ATP11B: variants seen among roughly 807,000 people sequenced by gnomAD.
The protein encoded by ATP11B is phospholipid-transporting ATPase IF.
Under a neutral mutation model 157.8 loss-of-function variants are expected in ATP11B, and 81 were observed. The ratio of observed to expected loss-of-function variants is 0.51; its 90% CI spans 0.43 to 0.62. The LOEUF (loss-of-function observed/expected upper bound fraction) is 0.62. Ranked by LOEUF, ATP11B falls within the 20% of genes least tolerant of loss-of-function variation. ATP11B has a pLI of 0.00. For synonymous variants in ATP11B, 451 were observed against 469.4 expected (o/e 0.96, Z 0.51); for missense variants, 1,165 against 1,402.2 (o/e 0.83, Z 2.70).
In ATP11B at chr3:182,919,834, A is replaced by G. The variant is rs1163255917; in HGVS notation, c.*1730A>G. On this transcript the variant is annotated 3_prime_UTR_variant, in exon 30 of 30. Coordinates refer to ENST00000323116, the MANE Select transcript of ATP11B (RefSeq NM_014616.3). ...TTAAGCTAAATATTAATTTTCAAAA[A>G]TAGTCCTTCTTTAACTTAGATATTT... 5 of 152,250 alleles carry G rather than the reference A, an allele frequency of 3.3e-5. No individual in the cohort carries two copies. The highest frequency in any genetic ancestry group is 7.2e-5 in the African/African-American group (3 of 41,472). The allele number at this position is 152,250 out of a possible 1,614,324, so 9.4% of individuals were successfully genotyped here. A position where few individuals can be genotyped will look rare whatever the true frequency, so the allele number is the denominator to read the frequency against.
At chr3:182,873,630 A>G (rs767580219) in intron 18 of ATP11B, among the ~76,000 whole-genome samples, 182 bp from the exon 19 acceptor site, 3 of 152,234 alleles carry the variant, frequency 2.0e-5, no homozygotes, top group East Asian at 3.9e-4. Flanking sequence ...ACAATTACCA[A>G]TCTGTTTATT....
At chr3:182,888,555 C>A (rs1007703376) in intron 24 of ATP11B, among the ~76,000 whole-genome samples, 4 of 152,104 alleles carry the variant, frequency 2.6e-5, no homozygotes, top group African/African-American at 9.7e-5. Context: ...GGATCTTGCT[C>A]TGTCACCCAG....
chr3:182,867,350 C>A, intron 14 of ATP11B, 26 bp from the exon 15 acceptor site: 1 of 1,434,204 alleles, frequency 7.0e-7, no homozygotes, highest in South Asian at 1.2e-5. Context: ...TCTTAAGTCT[C>A]ACTTTTTTAT....
chr3:182,845,101 T>G (rs898855311), intron 8 of ATP11B, among the ~76,000 whole-genome samples: 3 of 151,270 alleles, frequency 2.0e-5, no homozygotes, highest in Admixed American at 1.3e-4. Context: ...GCCTCCACGG[T>G]TCAAAAAATT....
intron 27 of ATP11B, among the ~76,000 whole-genome samples, chr3:182,898,152 C>T (rs978157092): frequency 6.6e-6 from 1 of 151,908 alleles, no homozygotes; most frequent in African/African-American, 2.4e-5. Context: ...TACAAAAACC[C>T]AAAAAGAATA....
In ATP11B at chr3:182,897,283, A is replaced by T. The variant is rs1269925975; in HGVS notation, c.3049-20A>T. On this transcript the variant is annotated intron_variant, in intron 26 of 29. Transcript: ENST00000323116. ...GCTTTATTTGTTTATATTTCTAAGG[A>T]TATAAAAACTTTTTTTTAGATGGCT... The T allele has an allele frequency of 2.2e-6, 3 of 1,394,358 alleles. No individual in the cohort carries two copies. The highest frequency in any genetic ancestry group is 2.4e-5 in the East Asian group (1 of 41,328). 86.4% of individuals were successfully genotyped at this position (1,394,358 alleles called of 1,614,324 possible).
At chr3:182,877,222 A>AAGCCT in intron 19 of ATP11B, among the ~76,000 whole-genome samples, 1 of 152,316 alleles carries the variant, frequency 6.6e-6, no homozygotes, top group South Asian at 2.1e-4. Context: ...CAGAAGAGAG[A>AAGCCT]AGCCTAGCCT....
intron 14 of ATP11B, among the ~76,000 whole-genome samples, chr3:182,867,157 A>G (rs527344040): frequency 6.6e-6 from 1 of 151,108 alleles, no homozygotes; most frequent in South Asian, 2.1e-4. Context: ...TTGAACTCCT[A>G]CCCTCAGGTG....
Position 182,873,820 on chromosome 3 carries a change from A to G in ATP11B, c.2057A>G (p.Asp686Gly), listed in dbSNP as rs754806043. 1.9e-6 allele frequency: 3 copies of G among 1,613,908 alleles called. No homozygotes were observed. The highest frequency in any genetic ancestry group is 1.3e-5 in the African/African-American group (1 of 75,062). The part of the protein sequence containing the change: ...GATAVEDRLQ[D>G]KVRETIEALR... Reference sequence around the variant, plus strand: ...GTTTCTGTTCTTTTCAGACTACAAGATAAAGTTCGAGAAACTATTGAAGCA... The same window carrying G: ...GTTTCTGTTCTTTTCAGACTACAAGGTAAAGTTCGAGAAACTATTGAAGCA... The change falls in exon 19 of 30, where the codon GAT (aspartate) becomes GGT (glycine). Residue 686 changes from aspartate (D) to glycine (G), a missense_variant. Physicochemically the swap from Asp to Gly is moderately conservative, Grantham distance 94 (BLOSUM62 -1). Around this residue, in one of 4 missense-constraint regions of ATP11B, gnomAD observed 737 missense variants for 930.5 expected, o/e 0.79. Transcript: ENST00000323116.
At chr3:182,800,288 C>CA (rs1439915520) in intron 1 of ATP11B, among the ~76,000 whole-genome samples, 13 of 151,482 alleles carry the variant, frequency 8.6e-5, no homozygotes, top group African/African-American at 2.2e-4. Context: ...GTGATGTGAT[C>CA]ACAGCTCACT....
intron 1 of ATP11B, among the ~76,000 whole-genome samples, chr3:182,818,756 T>C (rs887822723): frequency 2.0e-5 from 3 of 152,186 alleles, no homozygotes; most frequent in African/African-American, 4.8e-5. Context: ...ACAAGGATGC[T>C]AAGTGTTGAA....
At chr3:182,885,677 G>A (rs998744698) in intron 22 of ATP11B, among the ~76,000 whole-genome samples, 1 of 152,064 alleles carries the variant, frequency 6.6e-6, no homozygotes, top group African/African-American at 2.4e-5. Flanking sequence ...ATAGTTTGAA[G>A]GTTGTAAATT....
At chr3:182,879,091 A>G (rs1327951448) in intron 19 of ATP11B, among the ~76,000 whole-genome samples, 5 of 152,084 alleles carry the variant, frequency 3.3e-5, no homozygotes, top group African/African-American at 4.8e-5. Flanking sequence ...TGGGCAACAT[A>G]GTGAAACCCC....
intron 23 of ATP11B, among the ~76,000 whole-genome samples, chr3:182,886,918 A>G (rs954000541): frequency 2.0e-5 from 3 of 152,202 alleles, no homozygotes; most frequent in African/African-American, 7.2e-5. Context: ...TTGTTTACCT[A>G]AATGAACTAA....
intron 29 of ATP11B, chr3:182,915,159 T>C (rs1725057828): frequency 1.0e-6 from 1 of 985,324 alleles, no homozygotes; most frequent in South Asian, 4.7e-5. Context: ...CAGGTAACTT[T>C]TACTGGTGAA....
intron 4 of ATP11B, among the ~76,000 whole-genome samples, chr3:182,831,844 T>C (rs1395445895): frequency 6.6e-6 from 1 of 152,198 alleles, no homozygotes; most frequent in African/African-American, 2.4e-5. Flanking sequence ...AGTTTATCCG[T>C]CACTTTCATT....
At chr3:182,866,574 A>G (rs1177440954) in intron 14 of ATP11B, 131 bp downstream of exon 14, 1 of 698,776 alleles carries the variant, frequency 1.4e-6, no homozygotes, top group African/African-American at 1.8e-5. Context: ...ATAAATACAT[A>G]AAAATAGAAG....
intron 1 of ATP11B, among the ~76,000 whole-genome samples, chr3:182,809,450 T>C (rs1489534182): frequency 6.6e-6 from 1 of 152,132 alleles, no homozygotes; most frequent in Non-Finnish European, 1.5e-5. Context: ...GGTTGTGCCA[T>C]GTTGGCCGGG....
Position 182,889,397 on chromosome 3 carries a change from T to A in ATP11B, c.2844-13T>A. 1 of 1,524,236 alleles carries A rather than the reference T, an allele frequency of 6.6e-7. No individual in the cohort carries two copies. The highest frequency in any genetic ancestry group is 1.2e-5 in the South Asian group (1 of 80,884). The allele number at this position is 1,524,236 out of a possible 1,614,324, so 94.4% of individuals were successfully genotyped here. A position where few individuals can be genotyped will look rare whatever the true frequency, so the allele number is the denominator to read the frequency against. Reference sequence around the variant, plus strand: ...GATCCCTAATATGTTTCTTTTTCTCTTCTTTTTAACAGAGACATTAGTAAA... The same window carrying A: ...GATCCCTAATATGTTTCTTTTTCTCATCTTTTTAACAGAGACATTAGTAAA... On this transcript the variant is annotated splice_polypyrimidine_tract_variant and intron_variant, in intron 24 of 29. Transcript: ENST00000323116.
Sources: gnomAD v4.1 joint callset for allele counts (sites outside exome capture counted in the v4.1 genomes callset) on GRCh38, gnomAD v4.1.1 for gene constraint, gnomAD v4.1.1 regional missense constraint, MANE v1.5 for transcripts, NCBI Gene and HGNC (gene_info 2026-07-23, HGNC 2026-07-21) for gene names.